THEMIS: variants seen among roughly 807,000 people sequenced by gnomAD.
The protein encoded by THEMIS is protein THEMIS.
In THEMIS, 37 loss-of-function variants were observed where a neutral mutation model predicts 52.6. The observed-to-expected ratio is 0.70, with a 90% CI of 0.54 to 0.93. THEMIS has a LOEUF of 0.93. THEMIS is among the 40% of genes least tolerant of loss of function. The pLI is 0.00. For synonymous variants in THEMIS, 292 were observed against 272.7 expected, an observed-to-expected ratio of 1.07 and a Z score of -0.70; for missense variants, 808 against 763.1, an observed-to-expected ratio of 1.06 and a Z score of -0.69.
In THEMIS at chr6:127,914,696, G is replaced by C. The variant is rs55901601; in HGVS notation, c.-150+3732C>G. On this transcript the variant is annotated intron_variant, in intron 1 of 6. Transcript: ENST00000368250. ...ACTACCATCACATATGTAGTCCATC[G>C]TTGACCAAACATTAATATAAGGAAT... Among the ~76,000 whole-genome samples the C allele has an allele frequency of 5.1e-3, 769 of 152,254 alleles. 6 individuals are homozygous for C. The highest frequency in any genetic ancestry group is 0.018 in the African/African-American group (731 of 41,554).
chr6:127,827,732 C>A (rs181572710), intron 3 of THEMIS, among the ~76,000 whole-genome samples: 1 of 152,236 alleles, frequency 6.6e-6, no homozygotes, highest in East Asian at 1.9e-4. Flanking sequence ...CCATCAAGCC[C>A]AACTATGATT....
chr6:127,878,038 C>A (rs895836884), intron 1 of THEMIS, among the ~76,000 whole-genome samples: 5 of 152,166 alleles, frequency 3.3e-5, no homozygotes, highest in Non-Finnish European at 5.9e-5. Context: ...AAGGTCCATG[C>A]TCTTAAAACA....
intron 1 of THEMIS, among the ~76,000 whole-genome samples, chr6:127,906,882 C>T (rs769228049): frequency 6.6e-6 from 1 of 151,560 alleles, no homozygotes; most frequent in African/African-American, 2.4e-5. Context: ...ACGTAAAATA[C>T]CAATTCGTTT....
chr6:127,752,014 G>A (rs1004447508), intron 4 of THEMIS, among the ~76,000 whole-genome samples: 1 of 151,514 alleles, frequency 6.6e-6, no homozygotes, highest in Non-Finnish European at 1.5e-5. Context: ...TAATCACAAT[G>A]GTATGAAATT....
downstream of THEMIS, among the ~76,000 whole-genome samples, chr6:127,704,863 T>G (rs941110774): frequency 1.3e-5 from 2 of 152,218 alleles, no homozygotes; most frequent in Admixed American, 1.3e-4. Flanking sequence ...TGTAAACAAC[T>G]AATAAAATGA....
At chr6:127,733,335 T>G (rs1251615577) in intron 4 of THEMIS, among the ~76,000 whole-genome samples, 5 of 152,232 alleles carry the variant, frequency 3.3e-5, no homozygotes, top group Admixed American at 3.3e-4. Context: ...CTAGTGATCT[T>G]TAATCCGCAG....
chr6:127,796,606 T>C (rs920218881), intron 4 of THEMIS, among the ~76,000 whole-genome samples: 2 of 152,180 alleles, frequency 1.3e-5, no homozygotes, highest in Non-Finnish European at 2.9e-5. Flanking sequence ...CAAAACTATA[T>C]GAAATTGAGA....
intron 1 of THEMIS, among the ~76,000 whole-genome samples, chr6:127,889,067 G>A (rs1780728195): frequency 6.6e-6 from 1 of 152,036 alleles, no homozygotes; most frequent in Admixed American, 6.6e-5. Flanking sequence ...CTACATGTCA[G>A]GTACAGGTGG....
chr6:127,782,127 G>T (rs1776765791), intron 4 of THEMIS, among the ~76,000 whole-genome samples: 2 of 152,146 alleles, frequency 1.3e-5, no homozygotes, highest in South Asian at 4.1e-4. Flanking sequence ...TCAAGCCTTG[G>T]TAATGGTGGA....
intron 4 of THEMIS, among the ~76,000 whole-genome samples, chr6:127,809,025 A>C (rs269999): frequency 0.29 from 43,751 of 152,178 alleles, 7,371 homozygotes; most frequent in Non-Finnish European, 0.39. Flanking sequence ...GAAATGATTT[A>C]GTAAAGTTAA....
intron 2 of THEMIS, among the ~76,000 whole-genome samples, chr6:127,840,844 T>C (rs1779022529): frequency 6.6e-6 from 1 of 152,004 alleles, no homozygotes; most frequent in Non-Finnish European, 1.5e-5. Context: ...AAGAAGTCAA[T>C]CTTTAAAGGC....
At chr6:127,807,179 G>A (rs1406021658) in intron 4 of THEMIS, 4 of 159,060 alleles carry the variant, frequency 2.5e-5, no homozygotes, top group Admixed American at 6.9e-5. Context: ...TGGCCAAGAT[G>A]GTGAAACCCC....
intron 1 of THEMIS, among the ~76,000 whole-genome samples, chr6:127,896,570 A>G (rs1223881732): frequency 6.6e-6 from 1 of 151,578 alleles, no homozygotes; most frequent in Non-Finnish European, 1.5e-5. Flanking sequence ...AAACCAAAGC[A>G]CAGCTAATCA....
At chr6:127,849,950 A>C (rs966369651) in intron 2 of THEMIS, among the ~76,000 whole-genome samples, 4 of 152,168 alleles carry the variant, frequency 2.6e-5, no homozygotes, top group African/African-American at 9.7e-5. Flanking sequence ...GTAAACAGAC[A>C]ACCCACAAAG....
At chr6:127,754,136 T>A (rs1195846922) in intron 4 of THEMIS, among the ~76,000 whole-genome samples, 4 of 152,062 alleles carry the variant, frequency 2.6e-5, no homozygotes, top group Non-Finnish European at 4.4e-5. Flanking sequence ...TCACATTTTT[T>A]AAATGCTTTA....
chr6:127,801,057 A>G (rs1777516229), intron 4 of THEMIS, among the ~76,000 whole-genome samples: 1 of 152,210 alleles, frequency 6.6e-6, no homozygotes, highest in African/African-American at 2.4e-5. Flanking sequence ...TCTACTTCTA[A>G]TAGTGTGGAG....
the THEMIS span, among the ~76,000 whole-genome samples, chr6:127,699,793 C>T: frequency 6.6e-6 from 1 of 151,852 alleles, no homozygotes; most frequent in African/African-American, 2.4e-5. Flanking sequence ...AACCATGCCT[C>T]CTCATACCAT....
At chr6:127,720,074 G>A (rs1384841363) in intron 4 of THEMIS, among the ~76,000 whole-genome samples, 1 of 151,776 alleles carries the variant, frequency 6.6e-6, no homozygotes, top group East Asian at 1.9e-4. Context: ...GACTATTTGT[G>A]TATATTACTT....
intron 1 of THEMIS, among the ~76,000 whole-genome samples, chr6:127,889,731 A>G (rs1284486847): frequency 6.6e-6 from 1 of 152,114 alleles, no homozygotes. Flanking sequence ...ATGGTAAGTC[A>G]CATACTAAGA....
Sources: gnomAD v4.1 joint callset for allele counts (sites outside exome capture counted in the v4.1 genomes callset) on GRCh38, gnomAD v4.1.1 for gene constraint, MANE v1.5 for transcripts, NCBI Gene and HGNC (gene_info 2026-07-23, HGNC 2026-07-21) for gene names.